Variants in AFF1 observed in about 807,000 individuals in gnomAD.
The protein encoded by AFF1 is ALF transcription elongation factor 1.
AFF1 carries 48 observed loss-of-function variants against 121.7 expected under a neutral mutation model. The ratio of observed to expected loss-of-function variants is 0.39; its 90% CI spans 0.31 to 0.50. The LOEUF (loss-of-function observed/expected upper bound fraction) is 0.50. Among genes scored for constraint, AFF1 ranks in the 20% least tolerant of loss-of-function variants. The pLI, the probability that AFF1 is intolerant of heterozygous loss-of-function variation, is 0.76. For missense variants in AFF1, 1,523 were observed against 1,511.7 expected (o/e 1.01, Z -0.12); for synonymous variants, 613 against 563.0 (o/e 1.09, Z -1.26).
At chr4:87,134,923 A>G (rs187094795) in intron 20 of AFF1, among the ~76,000 whole-genome samples, 6 of 152,324 alleles carry the variant, frequency 3.9e-5, no homozygotes, top group African/African-American at 7.2e-5. Context: ...CCAAAATACA[A>G]GTGGCTTTAG....
At chr4:87,118,845 A>G (rs559090894) in intron 12 of AFF1, among the ~76,000 whole-genome samples, 1 of 152,192 alleles carries the variant, frequency 6.6e-6, no homozygotes. Context: ...GAAAGCAGAG[A>G]TTTATTTTAA....
At position 87,101,669 on chromosome 4, in the gene AFF1, C is replaced by T. The variant is rs1725446398; in HGVS notation, c.1284-3959C>T. On this transcript the variant is annotated intron_variant, in intron 8 of 20. Transcript: ENST00000395146. ...TGTGTGCCATTGCCCATCCTATCCC[C>T]GGATCAGTTTCAGATTTGTGAGATT... Among the ~76,000 whole-genome samples the T allele has an allele frequency of 2.6e-5, 4 of 152,114 alleles. No homozygotes were observed. The South Asian group carries it at 6.2e-4, about 24-fold the overall frequency.
rs1426630641 is a variant in AFF1 at position 87,136,470 on chromosome 4, TG to T, written c.*770del. On this transcript the variant is annotated 3_prime_UTR_variant, in exon 21 of 21. Coordinates refer to ENST00000395146, the MANE Select transcript of AFF1 (RefSeq NM_001166693.3). Reference sequence around the variant, plus strand: ...GCACATGGGGTGCCACCTCGAGGTCTGCACAGGAGGACTTGGCGCTGCCATT... The same window carrying T: ...GCACATGGGGTGCCACCTCGAGGTCTCACAGGAGGACTTGGCGCTGCCATT... The T allele has an allele frequency of 4.3e-6, 1 of 232,640 alleles. No individual in the cohort carries two copies. Among genetic ancestry groups the T allele is most frequent in the Non-Finnish European group, 8.5e-6 (1 of 117,714 alleles). 14.4% of individuals were successfully genotyped at this position (232,640 alleles called of 1,614,324 possible).
At chr4:87,074,088 G>A (rs1722412943) in intron 4 of AFF1, among the ~76,000 whole-genome samples, 1 of 151,630 alleles carries the variant, frequency 6.6e-6, no homozygotes, top group Non-Finnish European at 1.5e-5. Context: ...GCAGCAATAG[G>A]TTTTAACTGA....
chr4:86,950,258 A>G, intron 2 of AFF1: 1 of 778,186 alleles, frequency 1.3e-6, no homozygotes, highest in East Asian at 2.7e-5. Flanking sequence ...GGCTCACTGC[A>G]ACCTCTGCCT....
chr4:87,032,656 T>G (rs1374424316), intron 2 of AFF1, among the ~76,000 whole-genome samples: 1 of 152,226 alleles, frequency 6.6e-6, no homozygotes, highest in Non-Finnish European at 1.5e-5. Flanking sequence ...GCAGCCTGTT[T>G]AAAATGTAAT....
At chr4:87,053,206 G>A (rs1464419567) in intron 4 of AFF1, among the ~76,000 whole-genome samples, 1 of 152,218 alleles carries the variant, frequency 6.6e-6, no homozygotes, top group Non-Finnish European at 1.5e-5. Context: ...CTGGCTTTGA[G>A]TCCTGATTGT....
intron 4 of AFF1, among the ~76,000 whole-genome samples, chr4:87,060,712 G>T (rs571652955): frequency 6.6e-6 from 1 of 151,786 alleles, no homozygotes; most frequent in Non-Finnish European, 1.5e-5. Context: ...GGTGGCAGGC[G>T]CCTGTACTCC....
intron 7 of AFF1, among the ~76,000 whole-genome samples, chr4:87,093,731 C>T (rs887545927): frequency 2.0e-5 from 3 of 152,166 alleles, no homozygotes; most frequent in Admixed American, 2.0e-4. Flanking sequence ...CTGCTGCCAC[C>T]ATGAGGGCAA....
In AFF1 at chr4:87,138,414, A is replaced by G. The variant is rs1290676548; in HGVS notation, c.*2713A>G. The G allele has an allele frequency of 8.6e-6, 2 of 232,694 alleles. No individual in the cohort carries two copies. Among genetic ancestry groups the G allele is most frequent in the African/African-American group, 4.4e-5 (2 of 45,324 alleles). 14.4% of individuals were successfully genotyped at this position (232,694 alleles called of 1,614,324 possible). ...AAAGTTCTTATAACAATAATAGTAC[A>G]CACTTCAGAGTAAGACAAATGCAAA... On this transcript the variant is annotated 3_prime_UTR_variant, in exon 21 of 21. Transcript: ENST00000395146.
chr4:86,949,832 G>T lies in AFF1; in HGVS notation c.38+1261G>T, dbSNP rs1044860740. The T allele has an allele frequency of 1.2e-5, 19 of 1,613,970 alleles. No individual in the cohort carries two copies. In the Admixed American group the frequency reaches 3.2e-4, roughly 27 times the overall value. On this transcript the variant is annotated intron_variant, in intron 2 of 20. Coordinates refer to ENST00000395146, the MANE Select transcript of AFF1 (RefSeq NM_001166693.3). ...CGTCATGATGGCGAAACCGATCCAG[G>T]ACCCCACCTCGTAGGTGTAGTTGGG...
At chr4:87,029,455 A>T (rs1578101051) in intron 2 of AFF1, among the ~76,000 whole-genome samples, 1 of 152,216 alleles carries the variant, frequency 6.6e-6, no homozygotes. Flanking sequence ...CCAGCAGTGC[A>T]TTCTCCCACC....
chr4:87,009,912 A>C (rs1726563775), intron 2 of AFF1, among the ~76,000 whole-genome samples: 1 of 152,196 alleles, frequency 6.6e-6, no homozygotes, highest in Non-Finnish European at 1.5e-5. Context: ...GACTCATTGT[A>C]CTTACAGATT....
At position 87,011,761 on chromosome 4, in the gene AFF1, C is replaced by G. The variant is rs1193632498; in HGVS notation, c.39-34405C>G. On this transcript the variant is annotated intron_variant, in intron 2 of 20. Coordinates refer to ENST00000395146, the MANE Select transcript of AFF1 (RefSeq NM_001166693.3). ...CTTAAGTGATTTCTTTCTAGTTCAT[C>G]CTGAGAGCCCAGTTGAGCTTCCTGA... Among the ~76,000 whole-genome samples, 3 of 152,282 alleles carry G rather than the reference C, an allele frequency of 2.0e-5. No homozygotes were observed. The East Asian group carries it at 5.8e-4, about 29-fold the overall frequency.
intron 2 of AFF1, among the ~76,000 whole-genome samples, chr4:87,018,898 G>T (rs1250252863): frequency 2.0e-5 from 3 of 152,182 alleles, no homozygotes; most frequent in Non-Finnish European, 4.4e-5. Flanking sequence ...TCAAATAAGG[G>T]ATGTGGTAGA....
chr4:86,995,392 G>A (rs1159449259), intron 2 of AFF1, among the ~76,000 whole-genome samples: 1 of 148,418 alleles, frequency 6.7e-6, no homozygotes, highest in Non-Finnish European at 1.5e-5. Context: ...CTGCCATCTC[G>A]GCTCACTGCA....
At chr4:87,076,354 G>A (rs1722671822) in intron 4 of AFF1, among the ~76,000 whole-genome samples, 1 of 152,178 alleles carries the variant, frequency 6.6e-6, no homozygotes, top group South Asian at 2.1e-4. Flanking sequence ...CCTCATTTGT[G>A]TTAGTCTTCA....
At chr4:87,132,533 C>A in intron 19 of AFF1, 125 bp downstream of exon 19, 1 of 879,488 alleles carries the variant, frequency 1.1e-6, no homozygotes, top group Non-Finnish European at 1.6e-6. Context: ...TTGGCTTCAT[C>A]TGTTTGCTGG....
chr4:87,002,279 G>A (rs1405448325), intron 2 of AFF1, among the ~76,000 whole-genome samples: 1 of 151,460 alleles, frequency 6.6e-6, no homozygotes, highest in Admixed American at 6.6e-5. Flanking sequence ...TTTTTTTAGT[G>A]GAGGTGAGAT....
Sources: gnomAD v4.1 joint callset for allele counts (sites outside exome capture counted in the v4.1 genomes callset) on GRCh38, gnomAD v4.1.1 for gene constraint, MANE v1.5 for transcripts, NCBI Gene and HGNC (gene_info 2026-07-23, HGNC 2026-07-21) for gene names.